Variants in ZFP1 observed in about 807,000 individuals in gnomAD.
ZFP1 encodes zinc finger protein 1 homolog.
ZFP1 carries 32 observed loss-of-function variants against 38.5 expected under a neutral mutation model. That is an observed-to-expected ratio of 0.83 (90% confidence interval 0.63 to 1.12). The LOEUF is 1.12. Among genes scored for constraint, ZFP1 ranks in the 50% most tolerant of loss-of-function variants. The probability of loss-of-function intolerance (pLI) is 0.00; values close to 1 mark genes in which losing one functional copy is unlikely to be tolerated. For missense variants in ZFP1, 616 were observed against 480.8 expected, an observed-to-expected ratio of 1.28 and a Z score of -2.63; for synonymous variants, 245 against 168.8, an observed-to-expected ratio of 1.45 and a Z score of -3.50.
chr16:75,132,376 CAAA>C, the ZFP1 span: 2 of 138,490 alleles, frequency 1.4e-5, no homozygotes, highest in East Asian at 2.3e-4. Flanking sequence ...GACCCTGTCT[CAAA>C]AAAAAAAAAA....
chr16:75,161,257 C>T (rs1438802842), intron 2 of ZFP1, among the ~76,000 whole-genome samples: 1 of 151,748 alleles, frequency 6.6e-6, no homozygotes, highest in Non-Finnish European at 1.5e-5. Context: ...TTAGTAGAAA[C>T]GGGGTTTCTC....
intron 1 of ZFP1, among the ~76,000 whole-genome samples, chr16:75,151,592 A>C (rs1251942042): frequency 6.6e-6 from 1 of 152,202 alleles, no homozygotes; most frequent in Non-Finnish European, 1.5e-5. Context: ...ATATACTTGG[A>C]ACATTATACT....
Position 75,170,622 on chromosome 16 carries a change from A to G in ZFP1, c.*288A>G. ...TGAATTGAGTATTCTAGACAGCAGC[A>G]TAAGAAATATACAAACAGTATCCTA... On this transcript the variant is annotated 3_prime_UTR_variant, in exon 4 of 4. Coordinates refer to ENST00000570010, the MANE Select transcript of ZFP1 (RefSeq NM_153688.4). 3.4e-6 allele frequency: 1 copy of G among 295,034 alleles called. No individual in the cohort carries two copies. Among genetic ancestry groups the G allele is most frequent in the Non-Finnish European group, 6.2e-6 (1 of 160,676 alleles). The allele number at this position is 295,034 out of a possible 1,614,324, so 18.3% of individuals were successfully genotyped here.
chr16:75,125,089 T>C, the ZFP1 span, among the ~76,000 whole-genome samples: 34 of 151,668 alleles, frequency 2.2e-4, no homozygotes, highest in Admixed American at 4.6e-4. Flanking sequence ...TGAAACCCCA[T>C]CTGTACTAAA....
chr16:75,137,712 C>T, the ZFP1 span, among the ~76,000 whole-genome samples: 5 of 151,792 alleles, frequency 3.3e-5, no homozygotes, highest in Non-Finnish European at 5.9e-5. Flanking sequence ...GTGATCCGCC[C>T]GCCTTGGCTT....
At chr16:75,167,831 T>A (rs926537913) in intron 3 of ZFP1, among the ~76,000 whole-genome samples, 1 of 152,148 alleles carries the variant, frequency 6.6e-6, no homozygotes, top group African/African-American at 2.4e-5. Context: ...GCGCCATGGC[T>A]CATGCTTATA....
intron 2 of ZFP1, among the ~76,000 whole-genome samples, chr16:75,160,285 C>A (rs2037697535): frequency 6.6e-6 from 1 of 152,130 alleles, no homozygotes; most frequent in South Asian, 2.1e-4. Context: ...GTAATCTCAG[C>A]ACTTTGAAGG....
At chr16:75,133,520 T>C in the ZFP1 span, among the ~76,000 whole-genome samples, 1 of 152,184 alleles carries the variant, frequency 6.6e-6, no homozygotes, top group Non-Finnish European at 1.5e-5. Context: ...AGAACCTGTG[T>C]TTTCTGTTCC....
At chr16:75,164,574 T>G (rs1157654048) in intron 2 of ZFP1, among the ~76,000 whole-genome samples, 1 of 152,192 alleles carries the variant, frequency 6.6e-6, no homozygotes, top group African/African-American at 2.4e-5. Flanking sequence ...CATCTTTGAA[T>G]AGTGGTAATA....
rs2038375443 is a variant in ZFP1 at position 75,170,645 on chromosome 16, C to T, written c.*311C>T. ...GCATAAGAAATATACAAACAGTATC[C>T]TATGAATTTAGTGGTTTTATGTGGA... On this transcript the variant is annotated 3_prime_UTR_variant, in exon 4 of 4. Transcript: ENST00000570010. 1 of 239,172 alleles carries T rather than the reference C, an allele frequency of 4.2e-6. No homozygotes were observed. Among genetic ancestry groups the T allele is most frequent in the Admixed American group, 5.0e-5 (1 of 20,026 alleles). 14.8% of individuals were successfully genotyped at this position (239,172 alleles called of 1,614,324 possible). A position where few individuals can be genotyped will look rare whatever the true frequency, so the allele number is the denominator to read the frequency against.
chr16:75,126,602 C>G, the ZFP1 span, among the ~76,000 whole-genome samples: 2 of 152,208 alleles, frequency 1.3e-5, no homozygotes, highest in African/African-American at 4.8e-5. Context: ...TGGGGTTTCA[C>G]CATGTTGGCC....
Position 75,169,251 on chromosome 16 carries a change from A to T in ZFP1, c.143-2A>T, listed in dbSNP as rs1296046661. 6.2e-7 allele frequency: 1 copy of T among 1,602,192 alleles called. No individual in the cohort carries two copies. Among genetic ancestry groups the T allele is most frequent in the East Asian group, 2.2e-5 (1 of 44,790 alleles). On this transcript the variant is annotated splice_acceptor_variant, in intron 3 of 3. Coordinates refer to ENST00000570010, the MANE Select transcript of ZFP1 (RefSeq NM_153688.4). LOFTEE classifies it high-confidence loss of function. ...TCTTTTCATTGTGCTCTCTATTCCTAGAAGTGTGGAAGGCTGATGACCAGA... is the reference window on the plus strand; with the variant it reads ...TCTTTTCATTGTGCTCTCTATTCCTTGAAGTGTGGAAGGCTGATGACCAGA...
At chr16:75,121,696 A>C in the ZFP1 span, among the ~76,000 whole-genome samples, 5 of 152,198 alleles carry the variant, frequency 3.3e-5, no homozygotes, top group Admixed American at 3.3e-4. Context: ...ACAATGCTTC[A>C]CTACTGAAAA....
At chr16:75,150,348 A>C (rs2037131549) in intron 1 of ZFP1, among the ~76,000 whole-genome samples, 1 of 149,248 alleles carries the variant, frequency 6.7e-6, no homozygotes, top group Non-Finnish European at 1.5e-5. Context: ...AGCTGGGACT[A>C]CAGGCGCCCG....
At chr16:75,126,889 G>C in the ZFP1 span, among the ~76,000 whole-genome samples, 2 of 151,990 alleles carry the variant, frequency 1.3e-5, no homozygotes, top group Admixed American at 6.6e-5. Context: ...TGGCTTATTT[G>C]GTCTAAAAAT....
the ZFP1 span, among the ~76,000 whole-genome samples, chr16:75,123,832 C>T: frequency 5.3e-5 from 8 of 151,580 alleles, no homozygotes; most frequent in South Asian, 1.7e-3. Flanking sequence ...TGGCTCACAC[C>T]TGTAATCCCA....
At chr16:75,138,289 C>A in the ZFP1 span, among the ~76,000 whole-genome samples, 1 of 152,164 alleles carries the variant, frequency 6.6e-6, no homozygotes, top group Non-Finnish European at 1.5e-5. Flanking sequence ...CCCACCTTGG[C>A]CTCCCAAAGT....
intron 1 of ZFP1, among the ~76,000 whole-genome samples, chr16:75,151,999 T>G (rs1184852762): frequency 1.3e-5 from 2 of 152,220 alleles, no homozygotes; most frequent in African/African-American, 4.8e-5. Context: ...GTTGCTTTTT[T>G]GTTGTTGTGA....
chr16:75,160,959 A>C (rs541922941), intron 2 of ZFP1, among the ~76,000 whole-genome samples: 31 of 152,056 alleles, frequency 2.0e-4, no homozygotes, highest in Middle Eastern at 6.8e-3. Context: ...ATTGGGGATT[A>C]AGTTTCAACA....
Sources: gnomAD v4.1 joint callset for allele counts (sites outside exome capture counted in the v4.1 genomes callset) on GRCh38, gnomAD v4.1.1 for gene constraint, MANE v1.5 for transcripts, NCBI Gene and HGNC (gene_info 2026-07-23, HGNC 2026-07-21) for gene names.